The following CYRIB variants were observed in gnomAD, a reference collection of about 807,000 sequenced individuals.
CYRIB encodes the protein CYFIP related Rac1 interactor B, also known as CYFIP-related Rac1 interactor B.
Under a neutral mutation model 44.2 loss-of-function variants are expected in CYRIB, and 8 were observed. The ratio of observed to expected loss-of-function variants is 0.18; its 90% CI spans 0.11 to 0.33. The LOEUF (loss-of-function observed/expected upper bound fraction) is 0.33. Among genes scored for constraint, CYRIB ranks in the 10% least tolerant of loss-of-function variants. The pLI is 1.00. For synonymous variants in CYRIB, 131 were observed against 127.2 expected, an observed-to-expected ratio of 1.03 and a Z score of -0.20; for missense variants, 185 against 382.8, an observed-to-expected ratio of 0.48 and a Z score of 4.31.
At position 129,951,630 on chromosome 8, in the gene CYRIB, C is replaced by T. The variant is rs190022057; in HGVS notation, c.-243+19313G>A. ...CTGAGGCAGGAGAATTGCTTGAACA[C>T]GGGAGGCAGAGGTTGCAGTGAGCCA... On this transcript the variant is annotated intron_variant, in intron 2 of 14. Transcript: ENST00000401979. 1.0e-3 allele frequency among the ~76,000 whole-genome samples: 156 copies of T among 150,490 alleles called. No individual in the cohort carries two copies. In the South Asian group the frequency reaches 0.011, roughly 10 times the overall value.
upstream of CYRIB, among the ~76,000 whole-genome samples, chr8:129,944,617 T>C (rs1046897806): frequency 5.9e-5 from 9 of 151,974 alleles, no homozygotes; most frequent in Non-Finnish European, 1.2e-4. Context: ...ACCCCGTCTC[T>C]ACTAAAAATA....
At chr8:130,009,130 G>A (rs1344649930) in intron 1 of CYRIB, among the ~76,000 whole-genome samples, 1 of 152,264 alleles carries the variant, frequency 6.6e-6, no homozygotes. Flanking sequence ...CAGTCAGGGA[G>A]TCGGGTCTGA....
chr8:129,944,208 G>A (rs947558687), upstream of CYRIB, among the ~76,000 whole-genome samples: 1 of 152,194 alleles, frequency 6.6e-6, no homozygotes, highest in Non-Finnish European at 1.5e-5. Context: ...AGGGAGAACA[G>A]AGGGCCAGCA....
intron 1 of CYRIB, among the ~76,000 whole-genome samples, chr8:129,938,886 T>C (rs1029472328): frequency 6.6e-5 from 10 of 152,070 alleles, no homozygotes; most frequent in South Asian, 2.1e-4. Context: ...CACACAGCAA[T>C]TGCCACTTCC....
At chr8:129,939,367 G>A (rs1351260131) in intron 1 of CYRIB, among the ~76,000 whole-genome samples, 4 of 151,568 alleles carry the variant, frequency 2.6e-5, no homozygotes, top group Non-Finnish European at 4.4e-5. Context: ...GAAGGAAGGG[G>A]GCGGAAGAAA....
rs182664490 is a variant in CYRIB, at chr8:129,899,014, C to T, written c.-11+4298G>A. The stretch of plus-strand genomic sequence containing the variant: ...AAGTAGCTGGGATTACAGGCATGTG[C>T]CACCAGGCCCGGCTAATTTTTGTAT... On this transcript the variant is annotated intron_variant, in intron 2 of 11. Coordinates refer to ENST00000519824, the Ensembl canonical transcript of CYRIB. 4.6e-4 allele frequency among the ~76,000 whole-genome samples: 70 copies of T among 152,218 alleles called. No homozygotes were observed. The South Asian group carries it at 0.01, about 22-fold the overall frequency.
intron 2 of CYRIB, among the ~76,000 whole-genome samples, chr8:129,881,524 A>G (rs753535489): frequency 1.3e-5 from 2 of 152,214 alleles, no homozygotes; most frequent in Non-Finnish European, 2.9e-5. Flanking sequence ...ACATCAGCAT[A>G]TGTTTCTAAC....
rs780491481 is a variant in CYRIB, at chr8:129,931,149, TA to T, written c.-50+8458del. Among the ~76,000 whole-genome samples, 189 of 143,308 alleles carry T rather than the reference TA, an allele frequency of 1.3e-3. 1 individual carries two copies. Among genetic ancestry groups the T allele is most frequent in the Middle Eastern group, 7.0e-3 (2 of 284 alleles). 94.0% of individuals were successfully genotyped at this position (143,308 alleles called of 152,430 possible). On this transcript the variant is annotated intron_variant, in intron 1 of 11. Coordinates refer to ENST00000519824, the Ensembl canonical transcript of CYRIB. ...TAAATAAAATGGAGCCCTACTCCCC[TA>T]AAAAAAAAAAGAAAGAAAGAAAAAT...
At chr8:129,908,465 C>G (rs1164672102) in intron 1 of CYRIB, among the ~76,000 whole-genome samples, 1 of 152,104 alleles carries the variant, frequency 6.6e-6, no homozygotes, top group Non-Finnish European at 1.5e-5. Flanking sequence ...ATTTGAGCAT[C>G]TTTATTTGTA....
At chr8:129,942,070 G>C (rs1564284642), upstream of CYRIB, among the ~76,000 whole-genome samples, 1 of 152,196 alleles carries the variant, frequency 6.6e-6, no homozygotes, top group Non-Finnish European at 1.5e-5. Flanking sequence ...ACCAGGTGCA[G>C]TGGCTCACAC....
At chr8:129,937,219 A>G (rs2092974870) in intron 1 of CYRIB, among the ~76,000 whole-genome samples, 1 of 152,238 alleles carries the variant, frequency 6.6e-6, no homozygotes, top group Admixed American at 6.5e-5. Context: ...GTTACAGAAA[A>G]GAAGAGACCA....
At chr8:129,888,206 A>G (rs2134499395) in intron 2 of CYRIB, among the ~76,000 whole-genome samples, 1 of 152,216 alleles carries the variant, frequency 6.6e-6, no homozygotes, top group East Asian at 1.9e-4. Context: ...GTTCTTTTAA[A>G]GGGTGGGGCA....
chr8:129,954,693 C>T (rs1170973861), intron 2 of CYRIB, among the ~76,000 whole-genome samples: 1 of 152,110 alleles, frequency 6.6e-6, no homozygotes, highest in Non-Finnish European at 1.5e-5. Flanking sequence ...TCTAGGGGCA[C>T]GATCCCCCAG....
chr8:129,963,601 A>G (rs567568405), intron 2 of CYRIB, among the ~76,000 whole-genome samples: 281 of 152,380 alleles, frequency 1.8e-3, no homozygotes, highest in African/African-American at 6.3e-3. Context: ...CTATTCAGGC[A>G]GTGAAGATGG....
At chr8:129,916,853 T>C (rs997100793) in intron 1 of CYRIB, among the ~76,000 whole-genome samples, 7 of 152,240 alleles carry the variant, frequency 4.6e-5, no homozygotes, top group African/African-American at 7.2e-5. Flanking sequence ...GGAAACAGCA[T>C]AGCATATATA....
chr8:129,923,643 C>T (rs1563991626), intron 1 of CYRIB, among the ~76,000 whole-genome samples: 1 of 152,006 alleles, frequency 6.6e-6, no homozygotes, highest in South Asian at 2.1e-4. Flanking sequence ...TTCATTCTTT[C>T]TAAAAACTTT....
intron 6 of CYRIB, 27 bp from the exon 9 acceptor site, chr8:129,854,370 A>G: frequency 1.3e-6 from 2 of 1,541,476 alleles, no homozygotes; most frequent in Non-Finnish European, 8.9e-7. Flanking sequence ...TGGAAAAAAA[A>G]TGTTATGTAC....
intron 5 of CYRIB, among the ~76,000 whole-genome samples, chr8:129,861,585 T>C (rs963034897): frequency 6.6e-6 from 1 of 151,650 alleles, no homozygotes; most frequent in African/African-American, 2.4e-5. Context: ...ACCACAAGCA[T>C]GTGCCACCAC....
intron 1 of CYRIB, among the ~76,000 whole-genome samples, chr8:129,978,933 C>T (rs1357370642): frequency 1.1e-4 from 17 of 151,950 alleles, no homozygotes; most frequent in South Asian, 8.3e-4. Flanking sequence ...GCCAGGAATT[C>T]GGGACCAGCC....
Sources: gnomAD v4.1 joint callset for allele counts (sites outside exome capture counted in the v4.1 genomes callset) on GRCh38, gnomAD v4.1.1 for gene constraint, MANE v1.5 for transcripts, NCBI Gene and HGNC (gene_info 2026-07-23, HGNC 2026-07-21) for gene names.